PCDH9: variants seen among roughly 807,000 people sequenced by gnomAD.
PCDH9 encodes protocadherin 9.
PCDH9 carries 24 observed loss-of-function variants against 70.6 expected under a neutral mutation model. That is an observed-to-expected ratio of 0.34 (90% CI 0.25 to 0.48). PCDH9 has a LOEUF of 0.48. Ranked by LOEUF, PCDH9 falls within the 20% of genes least tolerant of loss-of-function variation. The pLI is 0.99. For missense variants in PCDH9, 1,281 were observed against 1,503.6 expected, an observed-to-expected ratio of 0.85 and a Z score of 2.45; for synonymous variants, 562 against 558.5, an observed-to-expected ratio of 1.01 and a Z score of -0.09.
intron 3 of PCDH9, among the ~76,000 whole-genome samples, chr13:66,735,449 G>A (rs2079133846): frequency 1.3e-5 from 2 of 152,000 alleles, no homozygotes; most frequent in South Asian, 2.1e-4. Flanking sequence ...ACAGACAGAT[G>A]TATATATAAC....
intron 3 of PCDH9, among the ~76,000 whole-genome samples, chr13:66,670,409 T>C (rs895336806): frequency 2.6e-5 from 4 of 152,158 alleles, no homozygotes; most frequent in African/African-American, 4.8e-5. Flanking sequence ...CAATATATGA[T>C]GAAAGAACGA....
intron 2 of PCDH9, among the ~76,000 whole-genome samples, chr13:67,018,859 A>G (rs2084617602): frequency 1.3e-5 from 2 of 152,078 alleles, no homozygotes; most frequent in African/African-American, 4.8e-5. Context: ...TGTCACATTC[A>G]CAACTCAAAA....
chr13:67,163,520 A>C (rs542740920), intron 2 of PCDH9, among the ~76,000 whole-genome samples: 62 of 152,314 alleles, frequency 4.1e-4, no homozygotes, highest in African/African-American at 1.2e-3. Flanking sequence ...GTCACATAAA[A>C]ACATTAAACT....
At chr13:66,708,587 A>G (rs943907213) in intron 3 of PCDH9, among the ~76,000 whole-genome samples, 2 of 152,126 alleles carry the variant, frequency 1.3e-5, no homozygotes, top group African/African-American at 4.8e-5. Flanking sequence ...GGTCAATATT[A>G]CAGTCTTAGA....
At chr13:66,331,402 C>T (rs909744075) in intron 4 of PCDH9, among the ~76,000 whole-genome samples, 51 of 152,122 alleles carry the variant, frequency 3.4e-4, no homozygotes, top group African/African-American at 1.0e-3. Flanking sequence ...TTCATGAGCG[C>T]CAGAGGAGAA....
chr13:66,746,600 C>T (rs926923925), intron 3 of PCDH9, among the ~76,000 whole-genome samples: 6 of 152,040 alleles, frequency 3.9e-5, no homozygotes, highest in African/African-American at 1.4e-4. Flanking sequence ...GCCTTAAATA[C>T]TTTGAGAAAA....
chr13:67,067,683 C>G (rs1396363164), intron 2 of PCDH9, among the ~76,000 whole-genome samples: 1 of 149,948 alleles, frequency 6.7e-6, no homozygotes, highest in Non-Finnish European at 1.5e-5. Context: ...AATATATTAA[C>G]AGAATGCCTG....
At chr13:66,580,984 A>G (rs1036564123) in intron 4 of PCDH9, among the ~76,000 whole-genome samples, 3 of 152,144 alleles carry the variant, frequency 2.0e-5, no homozygotes, top group Non-Finnish European at 4.4e-5. Flanking sequence ...ACTCTGATCT[A>G]TAGGCTACAG....
At chr13:66,959,733 AG>A (rs1378201666) in intron 2 of PCDH9, among the ~76,000 whole-genome samples, 1 of 148,492 alleles carries the variant, frequency 6.7e-6, no homozygotes, top group African/African-American at 2.5e-5. Context: ...CCTGGGCAAC[AG>A]AGTGAGACCC....
rs147928822 is a variant in PCDH9 at position 66,693,428 on chromosome 13, A to C, written c.3139-62017T>G. ...AATAGAAAATAAAAGTGTATATAAG[A>C]AGCTATACATCATTGTGACTTGAAT... is the stretch of plus-strand genomic sequence containing the variant. On this transcript the variant is annotated intron_variant, in intron 3 of 4. Transcript: ENST00000377865. Among the ~76,000 whole-genome samples, 65 of 152,288 alleles carry C rather than the reference A, an allele frequency of 4.3e-4. 2 individuals are homozygous for C. The East Asian group carries it at 0.012, about 28-fold the overall frequency.
At chr13:66,948,897 C>T (rs1427400406) in intron 2 of PCDH9, among the ~76,000 whole-genome samples, 1 of 151,956 alleles carries the variant, frequency 6.6e-6, no homozygotes, top group Non-Finnish European at 1.5e-5. Flanking sequence ...GGAAATTATT[C>T]AGCATTTTAG....
chr13:67,150,200 A>G (rs2087623941), intron 2 of PCDH9, among the ~76,000 whole-genome samples: 1 of 152,124 alleles, frequency 6.6e-6, no homozygotes, highest in South Asian at 2.1e-4. Context: ...CGTTCAGCTA[A>G]TTTTTAAAAT....
intron 4 of PCDH9, among the ~76,000 whole-genome samples, chr13:66,597,091 G>A (rs1382308295): frequency 6.6e-6 from 1 of 151,520 alleles, no homozygotes; most frequent in African/African-American, 2.4e-5. Flanking sequence ...TTAGTCAGCT[G>A]ACCATCTATG....
At chr13:66,850,389 GGC>G (rs1395943956) in intron 3 of PCDH9, among the ~76,000 whole-genome samples, 1 of 152,070 alleles carries the variant, frequency 6.6e-6, no homozygotes, top group Non-Finnish European at 1.5e-5. Context: ...CATGGTGGCA[GGC>G]ACCTGTAATC....
chr13:66,826,483 TTTAA>T (rs1433027195), intron 3 of PCDH9, among the ~76,000 whole-genome samples: 1 of 152,192 alleles, frequency 6.6e-6, no homozygotes, highest in Non-Finnish European at 1.5e-5. Context: ...CATTAAATAA[TTTAA>T]TTAACACCTG....
At chr13:66,360,849 AG>A (rs1243244171) in intron 4 of PCDH9, among the ~76,000 whole-genome samples, 4 of 152,158 alleles carry the variant, frequency 2.6e-5, no homozygotes, top group African/African-American at 9.6e-5. Context: ...AGCAACTCAC[AG>A]GAACTGAATC....
chr13:66,383,250 C>T (rs1170780107), intron 4 of PCDH9, among the ~76,000 whole-genome samples: 1 of 152,160 alleles, frequency 6.6e-6, no homozygotes, highest in Admixed American at 6.5e-5. Flanking sequence ...ATGAGTGCTT[C>T]ACCAACGTAT....
intron 3 of PCDH9, among the ~76,000 whole-genome samples, chr13:66,774,554 T>C (rs1255100735): frequency 1.3e-5 from 2 of 152,222 alleles, no homozygotes; most frequent in Admixed American, 1.3e-4. Flanking sequence ...GGCTGTGTAC[T>C]GTGTTTATAT....
At chr13:66,632,344 T>C (rs1462962391) in intron 3 of PCDH9, among the ~76,000 whole-genome samples, 2 of 152,218 alleles carry the variant, frequency 1.3e-5, no homozygotes, top group Non-Finnish European at 2.9e-5. Context: ...TGAAGTTCTA[T>C]GCAATTGCTA....
Sources: allele counts gnomAD v4.1 joint callset (sites outside exome capture counted in the v4.1 genomes callset), GRCh38; gene constraint gnomAD v4.1.1; transcripts MANE v1.5; gene names NCBI Gene and HGNC (gene_info 2026-07-23, HGNC 2026-07-21).